Variants in DLG2 observed in about 807,000 individuals in gnomAD.
The protein encoded by DLG2 is disks large homolog 2.
Under a neutral mutation model 132.5 loss-of-function variants are expected in DLG2, and 45 were observed. The observed-to-expected ratio is 0.34, with a 90% CI of 0.27 to 0.44. The LOEUF is 0.44. Ranked by LOEUF, DLG2 falls within the 20% of genes least tolerant of loss-of-function variation. The pLI is 1.00. For missense variants in DLG2, 1,045 were observed against 1,196.9 expected (o/e 0.87, Z 1.87); for synonymous variants, 424 against 419.6 (o/e 1.01, Z -0.13).
rs117677015 is a variant in DLG2, at chr11:84,162,495, A to G, written c.624+966T>C. Among the ~76,000 whole-genome samples the G allele has an allele frequency of 2.7e-3, 406 of 152,180 alleles. 13 individuals are homozygous for G. In the East Asian group the frequency reaches 0.074, roughly 28 times the overall value. Reference sequence around the variant, plus strand: ...ATAATTTATATTACATGAATACATAATAAACACATTATCCTTTTTTGTTTA... The same window carrying G: ...ATAATTTATATTACATGAATACATAGTAAACACATTATCCTTTTTTGTTTA... On this transcript the variant is annotated intron_variant, in intron 9 of 27. Transcript: ENST00000376104.
intron 8 of DLG2, chr11:84,166,997 A>G: frequency 1.9e-6 from 1 of 533,254 alleles, no homozygotes; most frequent in South Asian, 1.4e-5. Context: ...GGGCCCGGAG[A>G]GCTTCACAGT....
At chr11:85,050,118 T>TCACACACACACACACACA (rs33991615) in intron 6 of DLG2, among the ~76,000 whole-genome samples, 3,382 of 136,696 alleles carry the variant, frequency 0.025, 64 homozygotes, top group South Asian at 0.044. Flanking sequence ...CACTGTGTCA[T>TCACACACACACACACACA]CACACACACA....
At chr11:84,237,347 A>C (rs982652401) in intron 8 of DLG2, among the ~76,000 whole-genome samples, 4 of 152,062 alleles carry the variant, frequency 2.6e-5, no homozygotes, top group African/African-American at 9.7e-5. Flanking sequence ...AAACCACGAA[A>C]ATTTCCTGAG....
chr11:85,145,798 G>T (rs1335328387), intron 5 of DLG2, among the ~76,000 whole-genome samples: 2 of 151,926 alleles, frequency 1.3e-5, no homozygotes, highest in African/African-American at 2.4e-5. Flanking sequence ...GTTTCTGAAA[G>T]TTCATCTATT....
At chr11:84,548,529 G>A (rs972742807) in intron 6 of DLG2, among the ~76,000 whole-genome samples, 3 of 151,850 alleles carry the variant, frequency 2.0e-5, no homozygotes, top group African/African-American at 7.3e-5. Flanking sequence ...AGAACATGCG[G>A]TGTTTGGTTT....
chr11:84,019,932 G>A (rs1400077817), intron 11 of DLG2, among the ~76,000 whole-genome samples: 4 of 152,126 alleles, frequency 2.6e-5, no homozygotes, highest in Admixed American at 6.6e-5. Flanking sequence ...CTTAATTTGT[G>A]GTACTTTGTT....
At chr11:85,059,772 A>T (rs2063841476) in intron 6 of DLG2, among the ~76,000 whole-genome samples, 1 of 151,624 alleles carries the variant, frequency 6.6e-6, no homozygotes, top group African/African-American at 2.4e-5. Context: ...TTAGTGATTG[A>T]CAAAGTCCAC....
intron 7 of DLG2, among the ~76,000 whole-genome samples, chr11:84,302,437 A>C (rs1340188394): frequency 6.6e-6 from 1 of 152,194 alleles, no homozygotes; most frequent in Non-Finnish European, 1.5e-5. Flanking sequence ...ACATGATGCT[A>C]ATTTTTAAAA....
intron 10 of DLG2, among the ~76,000 whole-genome samples, chr11:84,080,100 G>A (rs1254975902): frequency 6.6e-6 from 1 of 151,990 alleles, no homozygotes; most frequent in East Asian, 1.9e-4. Flanking sequence ...GTCCATGGTG[G>A]CAAAGATCCT....
chr11:84,785,493 C>T (rs1193321023), intron 6 of DLG2, among the ~76,000 whole-genome samples: 1 of 151,870 alleles, frequency 6.6e-6, no homozygotes, highest in Non-Finnish European at 1.5e-5. Flanking sequence ...TTTTGCAGAT[C>T]TAGTAATTTA....
At chr11:83,972,139 C>T (rs575254028) in intron 12 of DLG2, among the ~76,000 whole-genome samples, 78 of 152,122 alleles carry the variant, frequency 5.1e-4, no homozygotes, top group Middle Eastern at 3.4e-3. Flanking sequence ...CTTAAATTTA[C>T]TAGAAATAAT....
chr11:84,299,706 T>C (rs2098131473), intron 7 of DLG2, among the ~76,000 whole-genome samples: 1 of 152,200 alleles, frequency 6.6e-6, no homozygotes, highest in African/African-American at 2.4e-5. Context: ...AACGAGTCCA[T>C]AGGGAACTCC....
At chr11:83,767,324 AATT>A (rs2153780902) in intron 18 of DLG2, among the ~76,000 whole-genome samples, 1 of 152,288 alleles carries the variant, frequency 6.6e-6, no homozygotes, top group East Asian at 1.9e-4. Context: ...TGGTAGTAAT[AATT>A]ATTTGATTAG....
At chr11:84,797,761 G>A (rs1490738810) in intron 6 of DLG2, among the ~76,000 whole-genome samples, 2 of 152,146 alleles carry the variant, frequency 1.3e-5, no homozygotes, top group Admixed American at 6.5e-5. Flanking sequence ...AGGTTTTGAT[G>A]TTTATGGATG....
At chr11:83,570,719 G>T (rs1330607496) in intron 19 of DLG2, among the ~76,000 whole-genome samples, 1 of 152,028 alleles carries the variant, frequency 6.6e-6, no homozygotes, top group African/African-American at 2.4e-5. Flanking sequence ...AGAATGCAGG[G>T]GAGGAGGAAG....
At chr11:84,875,611 T>C (rs546058709) in intron 6 of DLG2, among the ~76,000 whole-genome samples, 1 of 152,146 alleles carries the variant, frequency 6.6e-6, no homozygotes, top group African/African-American at 2.4e-5. Context: ...TCACTTTAGG[T>C]TTTTTGCCAT....
intron 7 of DLG2, 37 bp from the exon 8 acceptor site, chr11:84,251,328 T>G: frequency 1.4e-6 from 2 of 1,413,230 alleles, no homozygotes; most frequent in Non-Finnish European, 1.9e-6. Flanking sequence ...AAATAATGAA[T>G]AGTGTATTCT....
intron 6 of DLG2, among the ~76,000 whole-genome samples, chr11:84,710,905 C>A (rs1404360522): frequency 6.6e-6 from 1 of 150,748 alleles, no homozygotes; most frequent in African/African-American, 2.4e-5. Flanking sequence ...TTCTATCTGA[C>A]ACCATCATTT....
chr11:84,364,283 G>C (rs1176910545), intron 7 of DLG2, among the ~76,000 whole-genome samples: 1 of 152,064 alleles, frequency 6.6e-6, no homozygotes, highest in East Asian at 1.9e-4. Context: ...TTGTGAATGG[G>C]AGTTCACTCA....
Sources: gnomAD v4.1 joint callset for allele counts (sites outside exome capture counted in the v4.1 genomes callset) on GRCh38, gnomAD v4.1.1 for gene constraint, MANE v1.5 for transcripts, NCBI Gene and HGNC (gene_info 2026-07-23, HGNC 2026-07-21) for gene names.